Variants in ITIH5 observed in about 807,000 individuals in gnomAD.
ITIH5 encodes the protein inter-alpha-trypsin inhibitor heavy chain H5.
Under a neutral mutation model 77.5 loss-of-function variants are expected in ITIH5, and 65 were observed. The ratio of observed to expected loss-of-function variants is 0.84; its 90% confidence interval spans 0.69 to 1.03. The LOEUF (loss-of-function observed/expected upper bound fraction) is 1.03, where lower values mean the gene tolerates loss of function less well. Among genes scored for constraint, ITIH5 ranks in the 50% least tolerant of loss-of-function variants. ITIH5 has a pLI of 0.00. For missense variants in ITIH5, 1,208 were observed against 1,213.1 expected (o/e 1.00, Z 0.06); for synonymous variants, 525 against 494.3 (o/e 1.06, Z -0.82).
chr10:7,588,730 C>A (rs747827018), intron 7 of ITIH5, among the ~76,000 whole-genome samples: 2 of 152,168 alleles, frequency 1.3e-5, no homozygotes, highest in African/African-American at 2.4e-5. Flanking sequence ...ACGACGCTGA[C>A]GATATTAACA....
In ITIH5 at chr10:7,637,277, C is replaced by T; in HGVS notation, c.603G>A (p.Glu201=). The change falls in exon 5 of 14, where the codon GAG becomes GAA. Residue 201 remains glutamate (E), a synonymous_variant. Transcript: ENST00000397146. ...ILESAGIASL[E]VLPLHNSRQR... ...GCCTGCTGTTGTGAAGCGGCAGCAC[C>T]TCCAGGGATGCGATGCCCGCGCTCT... 6.2e-7 allele frequency: 1 copy of T among 1,612,080 alleles called. No homozygotes were observed. The highest frequency in any genetic ancestry group is 8.5e-7 in the Non-Finnish European group (1 of 1,180,012).
chr10:7,641,699 AGG>A (rs1491555132), intron 3 of ITIH5, among the ~76,000 whole-genome samples: 23 of 79,432 alleles, frequency 2.9e-4, no homozygotes, highest in African/African-American at 1.2e-3. Context: ...GGAGGGAGGG[AGG>A]GAGGGAGAGA....
Position 7,579,966 on chromosome 10 carries a change from A to T in ITIH5, c.1207T>A (p.Phe403Ile). 6.2e-7 allele frequency: 1 copy of T among 1,614,194 alleles called. No homozygotes were observed. Among genetic ancestry groups the T allele is most frequent in the Non-Finnish European group, 8.5e-7 (1 of 1,180,036 alleles). ...IGDRSVSLIV[F>I]LTDGKPTVGE... ...ACCGTGGGCTTCCCATCCGTCAGGAAGACGATGAGGGACACGCTCCGGTCT... is the reference window on the plus strand; with the variant it reads ...ACCGTGGGCTTCCCATCCGTCAGGATGACGATGAGGGACACGCTCCGGTCT... Residue 403 changes from phenylalanine to isoleucine, a missense_variant, in exon 9 of 14, where the codon TTC (phenylalanine) becomes ATC (isoleucine). By Grantham distance (21) the Phe-to-Ile change is conservative (BLOSUM62 0). Transcript: ENST00000397146.
At position 7,566,028 on chromosome 10, in the gene ITIH5, A is replaced by G; in HGVS notation, c.2527+2T>C. On this transcript the variant is annotated splice_donor_variant, in intron 13 of 13. Coordinates refer to ENST00000397146, the MANE Select transcript of ITIH5 (RefSeq NM_030569.7). LOFTEE classifies it high-confidence loss of function. ...CAGCGTGAGGAGAGCGCAGCTTCCT[A>G]CCCAGCAGTCCGTGGCAGTTGCTGG... The G allele has an allele frequency of 6.2e-7, 1 of 1,612,998 alleles. No individual in the cohort carries two copies. Among genetic ancestry groups the G allele is most frequent in the African/African-American group, 1.3e-5 (1 of 75,002 alleles).
chr10:7,633,471 G>A (rs1833744679), intron 5 of ITIH5, among the ~76,000 whole-genome samples: 1 of 152,108 alleles, frequency 6.6e-6, no homozygotes, highest in South Asian at 2.1e-4. Context: ...GTTGGAATTT[G>A]AACTCCACCC....
chr10:7,622,623 A>G (rs927088927), intron 5 of ITIH5: 6 of 152,244 alleles, frequency 3.9e-5, no homozygotes, highest in Admixed American at 3.9e-4. Flanking sequence ...AATATTTTAA[A>G]AGGACAGACA....
chr10:7,611,205 T>C (rs1379752428), intron 7 of ITIH5, among the ~76,000 whole-genome samples: 1 of 152,248 alleles, frequency 6.6e-6, no homozygotes, highest in Non-Finnish European at 1.5e-5. Flanking sequence ...TTATCTACCT[T>C]TGCAAAGCCT....
chr10:7,609,378 A>G (rs973546075), intron 7 of ITIH5: 1 of 450,224 alleles, frequency 2.2e-6, no homozygotes, highest in Non-Finnish European at 4.5e-6. Context: ...ATGATCAAAC[A>G]CAAGATGTTC....
At chr10:7,637,758 G>A (rs896393729) in intron 4 of ITIH5, among the ~76,000 whole-genome samples, 3 of 152,216 alleles carry the variant, frequency 2.0e-5, no homozygotes, top group African/African-American at 7.2e-5. Context: ...AGGGAGCAAT[G>A]GGAAAGGACG....
intron 1 of ITIH5, among the ~76,000 whole-genome samples, chr10:7,661,047 A>G (rs1349831633): frequency 6.6e-6 from 1 of 152,186 alleles, no homozygotes; most frequent in Non-Finnish European, 1.5e-5. Context: ...CTAGATTCTC[A>G]TAGGAGGCAA....
rs200420644 is a variant in ITIH5, at chr10:7,637,354, C to G, written c.526G>C (p.Val176Leu). The change falls in exon 5 of 14, where the codon GTG becomes CTG. Residue 176 changes from valine (V) to leucine (L), a missense_variant. Transcript: ENST00000397146. ...RLGKYEHSIS[V>L]RPQQLSGRLS... The stretch of plus-strand genomic sequence containing the variant: ...CTCCCGGACAGCTGCTGGGGCCGCA[C>G]GCTGATGCTGTGCTCGTACTTGCCC... 16 of 1,614,072 alleles carry G rather than the reference C, an allele frequency of 9.9e-6. No homozygotes were observed. In the Admixed American group the frequency reaches 1.8e-4, roughly 18 times the overall value.
At position 7,616,075 on chromosome 10, in the gene ITIH5, G is replaced by A; in HGVS notation, c.846C>T (p.His282=). ...DIQVLNGYFV[H]YFAPKDLPPL... Reference sequence around the variant, plus strand: ...GAGGAAGGTCTTTAGGAGCAAAGTAGTGCACAAAATAGCCATTTAGAACCT... The same window carrying A: ...GAGGAAGGTCTTTAGGAGCAAAGTAATGCACAAAATAGCCATTTAGAACCT... The change falls in exon 7 of 14, where the codon CAC becomes CAT. Residue 282 remains histidine, a synonymous_variant. Coordinates refer to ENST00000397146, the MANE Select transcript of ITIH5 (RefSeq NM_030569.7). 6.2e-7 allele frequency: 1 copy of A among 1,610,822 alleles called. No homozygotes were observed.
Position 7,566,760 on chromosome 10 carries a change from GAAGAAAGAAGA to G in ITIH5, c.2150-364_2150-354del, listed in dbSNP as rs1331276322. On this transcript the variant is annotated intron_variant, in intron 12 of 13. Transcript: ENST00000397146. ...AAAAAAAGAAGAAGAAGAAGAAGAAGAAGAAAGAAGAAAGAAGAAAGAAGAAAGAAGAAGAA... is the reference window on the plus strand; with the variant it reads ...AAAAAAAGAAGAAGAAGAAGAAGAAGAAGAAGAAAGAAGAAAGAAGAAGAA... Among the ~76,000 whole-genome samples, 5 of 24,730 alleles carry G rather than the reference GAAGAAAGAAGA, an allele frequency of 2.0e-4. 1 individual carries two copies. Among genetic ancestry groups the G allele is most frequent in the African/African-American group, 7.2e-4 (5 of 6,954 alleles). 16.2% of individuals were successfully genotyped at this position (24,730 alleles called of 152,430 possible).
chr10:7,600,761 G>T (rs1043701905), intron 7 of ITIH5, among the ~76,000 whole-genome samples: 1 of 152,150 alleles, frequency 6.6e-6, no homozygotes, highest in Non-Finnish European at 1.5e-5. Flanking sequence ...AGGTAATTAG[G>T]TCATGAAATT....
At chr10:7,566,862 A>G (rs79206058) in intron 12 of ITIH5, among the ~76,000 whole-genome samples, 4 of 72,420 alleles carry the variant, frequency 5.5e-5, no homozygotes, top group Non-Finnish European at 1.1e-4. Context: ...AAGAAGAAGA[A>G]GAAGAAGAAG....
At chr10:7,651,892 C>T (rs1454795093) in intron 2 of ITIH5, among the ~76,000 whole-genome samples, 1 of 152,182 alleles carries the variant, frequency 6.6e-6, no homozygotes. Flanking sequence ...GCTGCCCCTG[C>T]CTCCAGGGAT....
chr10:7,644,376 A>C lies in ITIH5; in HGVS notation c.136-2286T>G, dbSNP rs1340683200. On this transcript the variant is annotated intron_variant, in intron 2 of 13. Transcript: ENST00000397146. The stretch of plus-strand genomic sequence containing the variant: ...TATATATCATATATATCACATATAT[A>C]TCACATATATCACATATATCACATA... Among the ~76,000 whole-genome samples, 3 of 102,658 alleles carry C rather than the reference A, an allele frequency of 2.9e-5. No individual in the cohort carries two copies. The East Asian group carries it at 9.4e-4, about 32-fold the overall frequency. The allele number at this position is 102,658 out of a possible 152,430, so 67.3% of individuals were successfully genotyped here.
Position 7,576,545 on chromosome 10 carries a change from C to A in ITIH5, c.1886G>T (p.Arg629Leu), listed in dbSNP as rs574158340. 2.5e-6 allele frequency: 4 copies of A among 1,613,218 alleles called. No individual in the cohort carries two copies. The highest frequency in any genetic ancestry group is 2.2e-5 in the East Asian group (1 of 44,884). ...GTGGGCCTCCTCCAGGCCATCCATG[C>A]GTGGGACCGGCCCCCTCAGCTTCAT... Reference protein sequence around the residue: ...TSMKLRGPVPRMDGLEEAHGM... With the variant: ...TSMKLRGPVPLMDGLEEAHGM... Residue 629 changes from arginine to leucine, a missense_variant, in exon 10 of 14, where the codon CGC becomes CTC. Transcript: ENST00000397146.
intron 2 of ITIH5, among the ~76,000 whole-genome samples, chr10:7,643,845 A>G (rs1833925966): frequency 1.3e-5 from 2 of 152,252 alleles, no homozygotes; most frequent in Admixed American, 6.5e-5. Flanking sequence ...CTATTTAAAC[A>G]AATACGCACT....
Sources: gnomAD v4.1 joint callset for allele counts (sites outside exome capture counted in the v4.1 genomes callset) on GRCh38, gnomAD v4.1.1 for gene constraint, MANE v1.5 for transcripts, NCBI Gene and HGNC (gene_info 2026-07-23, HGNC 2026-07-21) for gene names.